The following TLN1 variants were observed in gnomAD, a reference collection of about 807,000 sequenced individuals.
TLN1 encodes talin 1.
Under a neutral mutation model 292.3 loss-of-function variants are expected in TLN1, and 56 were observed. The observed-to-expected ratio is 0.19, with a 90% CI of 0.15 to 0.24. TLN1 has a LOEUF of 0.24. Among genes scored for constraint, TLN1 ranks in the 10% least tolerant of loss-of-function variants. TLN1 has a pLI of 1.00. For synonymous variants in TLN1, 1,119 were observed against 1,253.7 expected (o/e 0.89, Z 2.27); for missense variants, 2,433 against 3,248.2 (o/e 0.75, Z 6.10).
At position 35,716,406 on chromosome 9, in the gene TLN1, A is replaced by G. The variant is rs1825784028; in HGVS notation, c.2609T>C (p.Met870Thr). ...AKILADATAKMVEAAKGAAAH... is the reference protein window; with the variant it reads ...AKILADATAKTVEAAKGAAAH... ...GCTTTGTACCTTGGCAGCCTCTACC[A>G]TCTTGGCTGTGGCATCAGCTAGGAT... is the stretch of plus-strand genomic sequence containing the variant. The change falls in exon 20 of 57, where the codon ATG becomes ACG. Residue 870 changes from methionine (M) to threonine (T), a missense_variant. Around this residue, in one of 7 missense-constraint regions of TLN1, gnomAD observed 617 missense variants for 770.6 expected, o/e 0.80. Transcript: ENST00000314888. The G allele has an allele frequency of 5.0e-6, 8 of 1,614,078 alleles. No individual in the cohort carries two copies. Among genetic ancestry groups the G allele is most frequent in the Non-Finnish European group, 5.9e-6 (7 of 1,180,042 alleles).
intron 3 of TLN1, 128 bp downstream of exon 3, chr9:35,725,096 T>C: frequency 6.5e-7 from 1 of 1,533,466 alleles, no homozygotes. Flanking sequence ...GAATTATGAC[T>C]GTCTGTTAAT....
At position 35,717,904 on chromosome 9, in the gene TLN1, G is replaced by A; in HGVS notation, c.1996-118C>T. 1 of 1,254,426 alleles carries A rather than the reference G, an allele frequency of 8.0e-7. No individual in the cohort carries two copies. The highest frequency in any genetic ancestry group is 1.1e-6 in the Non-Finnish European group (1 of 916,076). The allele number at this position is 1,254,426 out of a possible 1,614,324, so 77.7% of individuals were successfully genotyped here. A position where few individuals can be genotyped will look rare whatever the true frequency, so the allele number is the denominator to read the frequency against. ...ATCCAATCAAAGGAGAGTGTACGCA[G>A]AAGCAACCAGAACCTACCCCGAGCT... On this transcript the variant is annotated intron_variant, in intron 17 of 56. Transcript: ENST00000314888. This position sits in a 1 kb window ranked among gnomAD's most constrained non-coding sequence, Gnocchi z 4.7.
At position 35,704,176 on chromosome 9, in the gene TLN1, TGAGG is replaced by T. The variant is rs764314533; in HGVS notation, c.6048-6_6048-3del. On this transcript the variant is annotated splice_region_variant and splice_polypyrimidine_tract_variant and intron_variant, in intron 45 of 56. Transcript: ENST00000314888. The surrounding 1 kb of genome is among the most constrained non-coding windows in gnomAD (Gnocchi z 6.9). ...TTCGCAGTCTTCAGGATGCCCTCCC[TGAGG>T]GAGGGCCCAGCTTAGTCAGATCTCC... 1.3e-6 allele frequency: 2 copies of T among 1,587,212 alleles called. No individual in the cohort carries two copies. Among genetic ancestry groups the T allele is most frequent in the Non-Finnish European group, 1.7e-6 (2 of 1,165,252 alleles).
intron 32 of TLN1, 39 bp from the exon 33 acceptor site, chr9:35,710,722 C>G: frequency 6.2e-7 from 1 of 1,613,372 alleles, no homozygotes; most frequent in Non-Finnish European, 8.5e-7. Context: ...AGAGCATGTC[C>G]TCAGAACCCC....
At chr9:35,730,252 G>T (rs1419307279) in intron 1 of TLN1, among the ~76,000 whole-genome samples, 2 of 152,098 alleles carry the variant, frequency 1.3e-5, no homozygotes, top group African/African-American at 4.8e-5. Flanking sequence ...AGCTGGAGCT[G>T]GGATGGGGGA....
At position 35,704,378 on chromosome 9, in the gene TLN1, C is replaced by T. The variant is rs1825524822; in HGVS notation, c.6001G>A (p.Ala2001Thr). The T allele has an allele frequency of 1.2e-6, 2 of 1,614,082 alleles. No homozygotes were observed. Among genetic ancestry groups the T allele is most frequent in the African/African-American group, 1.3e-5 (1 of 74,944 alleles). Residue 2001 changes from alanine to threonine, a missense_variant, in exon 45 of 57, where the codon GCT (alanine) becomes ACT (threonine). Physicochemically the swap from Ala to Thr is moderately conservative, Grantham distance 58. Coordinates refer to ENST00000314888, the MANE Select transcript of TLN1 (RefSeq NM_006289.4). This position sits in a 1 kb window ranked among gnomAD's most constrained non-coding sequence, Gnocchi z 6.9. ...DLDTTIMFAT[A>T]GTLNREGTET... ...GTACCCTCACGATTGAGCGTGCCAG[C>T]AGTGGCGAACATGATGGTGGTGTCG...
chr9:35,722,035 T>G, intron 9 of TLN1, 84 bp downstream of exon 9: 1 of 1,366,304 alleles, frequency 7.3e-7, no homozygotes, highest in Non-Finnish European at 1.0e-6. Context: ...GAGATGTGAC[T>G]GAGGGCAAGG....
Position 35,698,613 on chromosome 9 carries a change from T to C in TLN1, c.7188+4A>G. 6.2e-7 allele frequency: 1 copy of C among 1,614,160 alleles called. No individual in the cohort carries two copies. The highest frequency in any genetic ancestry group is 8.5e-7 in the Non-Finnish European group (1 of 1,180,034). On this transcript the variant is annotated splice_donor_region_variant and intron_variant, in intron 54 of 56. Transcript: ENST00000314888. This position sits in a 1 kb window ranked among gnomAD's most constrained non-coding sequence, Gnocchi z 5.3. ...AGAGAGACCTAGTGGTATTGCACAC[T>C]TACAGCAGAAATGAGGCCCTGGGAC...
chr9:35,704,195 G>A lies in TLN1; in HGVS notation c.6048-21C>T. ...CCTCCCTGAGGGAGGGCCCAGCTTA[G>A]TCAGATCTCCCCTACCCGCTCCAGC... is the stretch of plus-strand genomic sequence containing the variant. On this transcript the variant is annotated intron_variant, in intron 45 of 56. Coordinates refer to ENST00000314888, the MANE Select transcript of TLN1 (RefSeq NM_006289.4). The surrounding 1 kb of genome is among the most constrained non-coding windows in gnomAD (Gnocchi z 6.9). 9 of 1,577,924 alleles carry A rather than the reference G, an allele frequency of 5.7e-6. No individual in the cohort carries two copies. The highest frequency in any genetic ancestry group is 7.8e-6 in the Non-Finnish European group (9 of 1,160,680).
At chr9:35,722,020 G>T in intron 9 of TLN1, 99 bp downstream of exon 9, 1 of 1,234,248 alleles carries the variant, frequency 8.1e-7, no homozygotes, top group Non-Finnish European at 1.2e-6. Flanking sequence ...CTTAGGGAAT[G>T]GTGGGAGATG....
intron 48 of TLN1, among the ~76,000 whole-genome samples, chr9:35,700,783 C>G (rs1825451892): frequency 6.6e-6 from 1 of 152,172 alleles, no homozygotes; most frequent in African/African-American, 2.4e-5. Flanking sequence ...TTGAATATCA[C>G]ACCGAGGAAC....
At chr9:35,713,886 C>T (rs1351190803) in intron 25 of TLN1, 67 bp downstream of exon 25, 12 of 1,594,974 alleles carry the variant, frequency 7.5e-6, no homozygotes, top group Non-Finnish European at 9.4e-6. Context: ...TTTTGAGCAG[C>T]TCTGGGGCAC....
Position 35,707,271 on chromosome 9 carries a change from AG to A in TLN1, c.4774-19del. The A allele has an allele frequency of 6.2e-7, 1 of 1,603,594 alleles. No homozygotes were observed. Among genetic ancestry groups the A allele is most frequent in the Non-Finnish European group, 8.5e-7 (1 of 1,172,594 alleles). On this transcript the variant is annotated intron_variant, in intron 36 of 56. Transcript: ENST00000314888. This position sits in a 1 kb window ranked among gnomAD's most constrained non-coding sequence, Gnocchi z 5.6. ...GCCCGACCCTGGGGAGAGGGGAGGC[AG>A]GAAGGTAAGTCTCAGGAGTCCCTGG... is the stretch of plus-strand genomic sequence containing the variant.
rs1218969372 is a variant in TLN1, at chr9:35,719,866, G to A, written c.1465-13C>T. The A allele has an allele frequency of 6.3e-7, 1 of 1,577,086 alleles. No homozygotes were observed. The highest frequency in any genetic ancestry group is 8.6e-7 in the Non-Finnish European group (1 of 1,160,560). On this transcript the variant is annotated splice_polypyrimidine_tract_variant and intron_variant, in intron 13 of 56. Coordinates refer to ENST00000314888, the MANE Select transcript of TLN1 (RefSeq NM_006289.4). This position sits in a 1 kb window ranked among gnomAD's most constrained non-coding sequence, Gnocchi z 4.6. ...GCTGGGCTGAAGTCTAAAGACAAGT[G>A]GGGAGAAACAGGGACTGGAATGGAT...
chr9:35,722,523 A>G lies in TLN1; in HGVS notation c.844-300T>C, dbSNP rs75379193. 5.6e-4 allele frequency among the ~76,000 whole-genome samples: 86 copies of G among 152,354 alleles called. 2 individuals carry two copies. The East Asian group carries it at 0.017, about 29-fold the overall frequency. On this transcript the variant is annotated intron_variant, in intron 8 of 56. Transcript: ENST00000314888. ...GTATTCAGAGTGGGGGTAACACCTT[A>G]TAGTGGACAAAGACTATACTCTTTC... is the stretch of plus-strand genomic sequence containing the variant.
At position 35,706,325 on chromosome 9, in the gene TLN1, A is replaced by C; in HGVS notation, c.5232T>G (p.Ala1744=). The part of the protein sequence containing the change: ...MAQYFEPLTL[A]AVGAASKTLS... ...GGGTCTTGGAGGCAGCACCCACTGC[A>C]GCCAGGGTGAGCGGCTCAAAGTACT... Residue 1744 remains alanine (A), a synonymous_variant, in exon 40 of 57, where the codon GCT becomes GCG. Transcript: ENST00000314888. This position sits in a 1 kb window ranked among gnomAD's most constrained non-coding sequence, Gnocchi z 4.2. 6 of 1,612,548 alleles carry C rather than the reference A, an allele frequency of 3.7e-6. No homozygotes were observed. The highest frequency in any genetic ancestry group is 1.3e-5 in the African/African-American group (1 of 75,042).
Position 35,722,111 on chromosome 9 carries a change from T to C in TLN1, c.948+8A>G. ...CAAGGAGGGCAGTGAAAAGGGCCCA[T>C]AACCTACCTTCACCAGGAAGAAGGA... On this transcript the variant is annotated splice_region_variant and intron_variant, in intron 9 of 56. Transcript: ENST00000314888. 6.2e-7 allele frequency: 1 copy of C among 1,613,060 alleles called. No individual in the cohort carries two copies. Among genetic ancestry groups the C allele is most frequent in the Non-Finnish European group, 8.5e-7 (1 of 1,179,050 alleles).
At chr9:35,722,309 G>A in intron 8 of TLN1, 86 bp from the exon 9 acceptor site, 1 of 1,148,976 alleles carries the variant, frequency 8.7e-7, no homozygotes, top group Non-Finnish European at 1.3e-6. Context: ...TAACGAGAGA[G>A]AATTATGGGG....
At chr9:35,700,890 A>G (rs60125118) in intron 48 of TLN1, among the ~76,000 whole-genome samples, 2,584 of 152,330 alleles carry the variant, frequency 0.017, 63 homozygotes, top group African/African-American at 0.059. Flanking sequence ...GGCAGATTCT[A>G]TGCAAGGGGC....
Sources: gnomAD v4.1 joint callset for allele counts (sites outside exome capture counted in the v4.1 genomes callset) on GRCh38, gnomAD v4.1.1 for gene constraint, gnomAD v4.1.1 regional missense constraint, Gnocchi (gnomAD v3.1) non-coding constraint, MANE v1.5 for transcripts, NCBI Gene and HGNC (gene_info 2026-07-23, HGNC 2026-07-21) for gene names.